CTNNA1: variants seen among roughly 807,000 people sequenced by gnomAD.
CTNNA1 encodes catenin alpha 1.
A neutral mutation model predicts 98.4 loss-of-function variants in CTNNA1; 37 were observed. The observed-to-expected ratio is 0.38, with a 90% CI of 0.29 to 0.49. The LOEUF (loss-of-function observed/expected upper bound fraction) is 0.49, where lower values mean the gene tolerates loss of function less well. CTNNA1 is among the 20% of genes least tolerant of loss of function. The pLI is 0.95. For missense variants in CTNNA1, 761 were observed against 1,147.2 expected (o/e 0.66, Z 4.86); for synonymous variants, 404 against 413.2 (o/e 0.98, Z 0.27).
At chr5:138,833,801 T>C (rs1320010952) in intron 7 of CTNNA1, among the ~76,000 whole-genome samples, 1 of 152,188 alleles carries the variant, frequency 6.6e-6, no homozygotes, top group Non-Finnish European at 1.5e-5. Flanking sequence ...TAGAAGAAAA[T>C]TGGTTCAATT....
chr5:138,868,513 G>C (rs772194939), intron 7 of CTNNA1, among the ~76,000 whole-genome samples: 1 of 152,184 alleles, frequency 6.6e-6, no homozygotes, highest in Non-Finnish European at 1.5e-5. Context: ...CCAAGTCGCT[G>C]TTGGCTAGAT....
At chr5:138,773,867 C>T (rs1753811652) in intron 1 of CTNNA1, among the ~76,000 whole-genome samples, 1 of 151,980 alleles carries the variant, frequency 6.6e-6, no homozygotes, top group South Asian at 2.1e-4. Flanking sequence ...CACACCACTA[C>T]ACCTGGCTGA....
chr5:138,814,823 G>A (rs969521797), intron 5 of CTNNA1, among the ~76,000 whole-genome samples: 4 of 151,748 alleles, frequency 2.6e-5, no homozygotes, highest in South Asian at 4.2e-4. Context: ...GTGCGATCTC[G>A]GCTCACTGCA....
chr5:138,873,207 A>G lies in CTNNA1; in HGVS notation c.1063-13005A>G. ...ATTGAGCACTGCCTAATTCTTCTTA[A>G]AGTGGGAGGGCAGCACTTCCTGGAG... On this transcript the variant is annotated intron_variant, in intron 7 of 17. Coordinates refer to ENST00000302763, the MANE Select transcript of CTNNA1 (RefSeq NM_001903.5). The surrounding 1 kb of genome is among the most constrained non-coding windows in gnomAD (Gnocchi z 6.1). 1.2e-6 allele frequency: 2 copies of G among 1,614,010 alleles called. No individual in the cohort carries two copies. The highest frequency in any genetic ancestry group is 1.7e-5 in the Admixed American group (1 of 60,026).
chr5:138,770,008 T>A (rs1580899862), intron 1 of CTNNA1, among the ~76,000 whole-genome samples: 5 of 152,060 alleles, frequency 3.3e-5, no homozygotes. Flanking sequence ...CTGATTTTTC[T>A]AATTTTTAGT....
intron 11 of CTNNA1, among the ~76,000 whole-genome samples, chr5:138,920,798 C>A (rs1762770168): frequency 6.6e-6 from 1 of 152,126 alleles, no homozygotes; most frequent in Admixed American, 6.5e-5. Flanking sequence ...GGCTTCAGCT[C>A]CTTTGTTCTG....
chr5:138,776,230 GGGAGTGGTGATGACTCTTAACGA>G (rs1754151770), intron 1 of CTNNA1, among the ~76,000 whole-genome samples: 1 of 151,706 alleles, frequency 6.6e-6, no homozygotes, highest in Admixed American at 6.6e-5. Flanking sequence ...CTTGAGATTA[GGGAGTGGTGATGACTCTTAACGA>G]GCATGCTGCC....
At position 138,873,601 on chromosome 5, in the gene CTNNA1, A is replaced by G. The variant is rs1750914093; in HGVS notation, c.1063-12611A>G. 11 of 1,613,896 alleles carry G rather than the reference A, an allele frequency of 6.8e-6. No individual in the cohort carries two copies. The highest frequency in any genetic ancestry group is 9.3e-6 in the Non-Finnish European group (11 of 1,179,898). On this transcript the variant is annotated intron_variant, in intron 7 of 17. Coordinates refer to ENST00000302763, the MANE Select transcript of CTNNA1 (RefSeq NM_001903.5). The surrounding 1 kb of genome is among the most constrained non-coding windows in gnomAD (Gnocchi z 6.1). ...AACTGCCCAGCCAGGAGGCCAGAGCACATATTCGGGCGCTGCATTCCCACA... is the reference window on the plus strand; with the variant it reads ...AACTGCCCAGCCAGGAGGCCAGAGCGCATATTCGGGCGCTGCATTCCCACA...
chr5:138,870,933 C>G (rs1750527343), intron 7 of CTNNA1: 1 of 152,282 alleles, frequency 6.6e-6, no homozygotes, highest in Non-Finnish European at 1.5e-5. Flanking sequence ...AGACAAAATA[C>G]TCACCACTCG....
intron 2 of CTNNA1, chr5:138,782,510 G>A: frequency 1.1e-5 from 3 of 276,966 alleles, no homozygotes; most frequent in South Asian, 9.9e-5. Flanking sequence ...TTTTACAATA[G>A]TATGTCTATT....
At chr5:138,780,201 A>AT (rs1280173712) in intron 1 of CTNNA1, among the ~76,000 whole-genome samples, 2 of 150,472 alleles carry the variant, frequency 1.3e-5, no homozygotes, top group Non-Finnish European at 3.0e-5. Context: ...TTTATTTTTT[A>AT]TTTTTTTGAG....
chr5:138,862,006 C>T (rs1764330136), intron 7 of CTNNA1, among the ~76,000 whole-genome samples: 1 of 152,140 alleles, frequency 6.6e-6, no homozygotes, highest in South Asian at 2.1e-4. Flanking sequence ...AGATTATTAT[C>T]TTGGAAAGAC....
intron 7 of CTNNA1, among the ~76,000 whole-genome samples, chr5:138,883,677 C>T (rs1448845278): frequency 6.6e-6 from 1 of 152,176 alleles, no homozygotes; most frequent in African/African-American, 2.4e-5. Context: ...CTTTGGGTTT[C>T]AGATTCTAAG....
At chr5:138,760,183 G>C (rs978079220) in intron 1 of CTNNA1, among the ~76,000 whole-genome samples, 3 of 150,206 alleles carry the variant, frequency 2.0e-5, no homozygotes, top group Non-Finnish European at 4.4e-5. Context: ...TAGTAGAGAC[G>C]GGGTTTCTCC....
At chr5:138,831,802 T>C (rs1333894124) in intron 7 of CTNNA1, among the ~76,000 whole-genome samples, 3 of 152,224 alleles carry the variant, frequency 2.0e-5, no homozygotes, top group Non-Finnish European at 4.4e-5. Context: ...TATTCATTCA[T>C]GGTCTAGTAT....
intron 7 of CTNNA1, among the ~76,000 whole-genome samples, chr5:138,877,875 C>T (rs939859400): frequency 1.3e-5 from 2 of 152,168 alleles, no homozygotes; most frequent in African/African-American, 4.8e-5. Flanking sequence ...CAAGTAACTA[C>T]GTTAGTTCCT....
rs1365793014 is a variant in CTNNA1, at chr5:138,896,830, A to G, written c.1297-7519A>G. On this transcript the variant is annotated intron_variant, in intron 9 of 17. Coordinates refer to ENST00000302763, the MANE Select transcript of CTNNA1 (RefSeq NM_001903.5). Reference sequence around the variant, plus strand: ...AATTTAAAGTGTACTGAGGTGAAGAATTTATTCGCTATCAGAAATATTAAC... The same window carrying G: ...AATTTAAAGTGTACTGAGGTGAAGAGTTTATTCGCTATCAGAAATATTAAC... Among the ~76,000 whole-genome samples, 3 of 152,304 alleles carry G rather than the reference A, an allele frequency of 2.0e-5. No individual in the cohort carries two copies. In the East Asian group the frequency reaches 5.8e-4, roughly 29 times the overall value.
chr5:138,895,750 G>C (rs1350126631), intron 9 of CTNNA1, among the ~76,000 whole-genome samples: 1 of 152,080 alleles, frequency 6.6e-6, no homozygotes, highest in East Asian at 1.9e-4. Context: ...TTACAATGTA[G>C]TAGAAATTGT....
chr5:138,803,151 G>A (rs1396796509), intron 3 of CTNNA1, among the ~76,000 whole-genome samples: 3 of 151,242 alleles, frequency 2.0e-5, no homozygotes, highest in Admixed American at 6.6e-5. Context: ...TCCTGGTAAT[G>A]GGCCAAATTT....
Sources: allele counts gnomAD v4.1 joint callset (sites outside exome capture counted in the v4.1 genomes callset), GRCh38; gene constraint gnomAD v4.1.1; non-coding constraint Gnocchi (gnomAD v3.1); transcripts MANE v1.5; gene names NCBI Gene and HGNC (gene_info 2026-07-23, HGNC 2026-07-21).